ZNF385D: variants seen among roughly 807,000 people sequenced by gnomAD.
ZNF385D encodes the protein zinc finger protein 385D, also known as zinc finger protein 659.
In ZNF385D, 15 loss-of-function variants were observed where a neutral mutation model predicts 35.8. The observed-to-expected ratio is 0.42, with a 90% CI of 0.28 to 0.64. The LOEUF (loss-of-function observed/expected upper bound fraction) is 0.64, where lower values mean the gene tolerates loss of function less well. Among genes scored for constraint, ZNF385D ranks in the 30% least tolerant of loss-of-function variants. The pLI, the probability that ZNF385D is intolerant of heterozygous loss-of-function variation, is 0.23. For missense variants in ZNF385D, 474 were observed against 494.6 expected, an observed-to-expected ratio of 0.96 and a Z score of 0.39; for synonymous variants, 212 against 186.8, an observed-to-expected ratio of 1.13 and a Z score of -1.10.
At chr3:21,947,008 A>T (rs1211514847) in intron 3 of ZNF385D, among the ~76,000 whole-genome samples, 1 of 151,082 alleles carries the variant, frequency 6.6e-6, no homozygotes, top group Admixed American at 6.7e-5. Context: ...CTAAAAAAAA[A>T]CATCAGTTTG....
intron 3 of ZNF385D, among the ~76,000 whole-genome samples, chr3:21,954,788 C>T (rs938646483): frequency 6.6e-6 from 1 of 152,082 alleles, no homozygotes; most frequent in Non-Finnish European, 1.5e-5. Context: ...TAGACATCCC[C>T]ACCCTCACTT....
At chr3:21,936,608 C>T (rs562958637) in intron 3 of ZNF385D, among the ~76,000 whole-genome samples, 2 of 151,828 alleles carry the variant, frequency 1.3e-5, no homozygotes, top group Non-Finnish European at 2.9e-5. Flanking sequence ...TTAAATGTTT[C>T]CTCTACTAGA....
chr3:22,342,178 G>C (rs909649641), intron 2 of ZNF385D, among the ~76,000 whole-genome samples: 7 of 149,084 alleles, frequency 4.7e-5, no homozygotes, highest in African/African-American at 1.7e-4. Flanking sequence ...TCGGGAGACT[G>C]AGGCAGGAGA....
At chr3:22,205,034 A>G (rs1007135637) in intron 2 of ZNF385D, among the ~76,000 whole-genome samples, 1 of 151,700 alleles carries the variant, frequency 6.6e-6, no homozygotes, top group South Asian at 2.1e-4. Flanking sequence ...ATAGAACACC[A>G]AGCAGATTTA....
intron 3 of ZNF385D, among the ~76,000 whole-genome samples, chr3:21,546,460 T>C (rs1324415035): frequency 6.6e-6 from 1 of 152,106 alleles, no homozygotes; most frequent in Non-Finnish European, 1.5e-5. Flanking sequence ...TAGATGGGTA[T>C]GTCACAAGAC....
At chr3:21,848,252 A>T (rs961669762) in intron 3 of ZNF385D, among the ~76,000 whole-genome samples, 7 of 151,986 alleles carry the variant, frequency 4.6e-5, no homozygotes, top group African/African-American at 1.7e-4. Flanking sequence ...TTGTTTGTCC[A>T]TGAAAACTTA....
chr3:21,837,537 C>A (rs1695404780), intron 3 of ZNF385D, among the ~76,000 whole-genome samples: 1 of 151,992 alleles, frequency 6.6e-6, no homozygotes, highest in Admixed American at 6.6e-5. Context: ...ATGTTTTCTG[C>A]AACTTATTGT....
In ZNF385D at chr3:22,096,383, T is replaced by C. The variant is rs115810993; in HGVS notation, c.325+72434A>G. Among the ~76,000 whole-genome samples the C allele has an allele frequency of 6.4e-3, 973 of 152,160 alleles. 13 individuals are homozygous for C. Among genetic ancestry groups the C allele is most frequent in the African/African-American group, 0.022 (916 of 41,546 alleles). ...TTAAAAGAAAAAAACTGTTTATGGC[T>C]TATTGTTTAAATAGGGCTTCTTGAA... On this transcript the variant is annotated intron_variant, in intron 3 of 5. Coordinates refer to the ZNF385D transcript ENST00000494108.
intron 2 of ZNF385D, among the ~76,000 whole-genome samples, chr3:22,264,214 G>A (rs1700780413): frequency 6.6e-6 from 1 of 151,990 alleles, no homozygotes; most frequent in Non-Finnish European, 1.5e-5. Flanking sequence ...GTGACAAAGT[G>A]AGGCTGGTAA....
intron 2 of ZNF385D, among the ~76,000 whole-genome samples, chr3:22,204,915 T>C (rs1466274390): frequency 7.6e-6 from 1 of 130,724 alleles, no homozygotes; most frequent in Middle Eastern, 5.8e-3. Flanking sequence ...AAAGAGAGGA[T>C]AGAGAGAGAG....
In ZNF385D at chr3:21,431,346, G is replaced by A. The variant is rs1701284078; in HGVS notation, c.673+5624C>T. Among the ~76,000 whole-genome samples, 2 of 152,048 alleles carry A rather than the reference G, an allele frequency of 1.3e-5. 1 individual carries two copies. Among genetic ancestry groups the A allele is most frequent in the South Asian group, 4.1e-4 (2 of 4,824 alleles). On this transcript the variant is annotated intron_variant, in intron 5 of 7. Coordinates refer to ENST00000281523, the MANE Select transcript of ZNF385D (RefSeq NM_024697.3). ...AGTGATGTAATAATTCTTATTATTAGGTAATATACCTGAAATCATTTACTA... is the reference window on the plus strand; with the variant it reads ...AGTGATGTAATAATTCTTATTATTAAGTAATATACCTGAAATCATTTACTA...
chr3:22,246,185 T>A (rs1203663865), intron 2 of ZNF385D, among the ~76,000 whole-genome samples: 1 of 152,300 alleles, frequency 6.6e-6, no homozygotes, highest in East Asian at 1.9e-4. Flanking sequence ...AGAAACATAC[T>A]TTTCTTTTCA....
chr3:21,621,723 G>A (rs1426152451), intron 2 of ZNF385D, among the ~76,000 whole-genome samples: 1 of 151,978 alleles, frequency 6.6e-6, no homozygotes, highest in Non-Finnish European at 1.5e-5. Context: ...TAGCTACTAA[G>A]GAAAAATGAA....
chr3:21,547,272 G>A (rs1279367988), intron 3 of ZNF385D, among the ~76,000 whole-genome samples: 1 of 152,138 alleles, frequency 6.6e-6, no homozygotes, highest in East Asian at 1.9e-4. Context: ...CAACCTGCCA[G>A]CAAAAGCATA....
intron 4 of ZNF385D, among the ~76,000 whole-genome samples, chr3:21,509,233 A>G (rs1707018947): frequency 6.6e-6 from 1 of 152,200 alleles, no homozygotes; most frequent in Non-Finnish European, 1.5e-5. Context: ...AATTTGGAGC[A>G]AGGAAAAACG....
chr3:22,277,269 T>C (rs1701477806), intron 2 of ZNF385D, among the ~76,000 whole-genome samples: 1 of 152,082 alleles, frequency 6.6e-6, no homozygotes, highest in South Asian at 2.1e-4. Context: ...GAAATGAATA[T>C]TCAACAAATG....
In ZNF385D at chr3:21,750,936, C is replaced by A. The variant is rs1184106197; in HGVS notation, c.-20G>T. On this transcript the variant is annotated 5_prime_UTR_variant, in exon 1 of 8. It introduces an in-frame stop codon into an upstream open reading frame of the 5' UTR. Coordinates refer to ENST00000281523, the MANE Select transcript of ZNF385D (RefSeq NM_024697.3). ...TCTCATTAATCAGACAGCTGGAATC[C>A]CACCGCGGTGTCTTCAGCATCAGCT... The A allele has an allele frequency of 3.1e-6, 5 of 1,613,988 alleles. No homozygotes were observed. The highest frequency in any genetic ancestry group is 4.2e-6 in the Non-Finnish European group (5 of 1,180,016).
intron 2 of ZNF385D, among the ~76,000 whole-genome samples, chr3:21,647,513 C>G (rs1485660036): frequency 6.6e-6 from 1 of 151,984 alleles, no homozygotes; most frequent in Non-Finnish European, 1.5e-5. Context: ...ACGACTAACC[C>G]ATGCTTATTT....
intron 2 of ZNF385D, among the ~76,000 whole-genome samples, chr3:22,262,321 G>A (rs1318617219): frequency 1.3e-5 from 2 of 151,854 alleles, no homozygotes; most frequent in Non-Finnish European, 2.9e-5. Flanking sequence ...AGTGACACAT[G>A]GAGTTAACAC....
Sources: gnomAD v4.1 joint callset for allele counts (sites outside exome capture counted in the v4.1 genomes callset) on GRCh38, gnomAD v4.1.1 for gene constraint, MANE v1.5 for transcripts, NCBI Gene and HGNC (gene_info 2026-07-23, HGNC 2026-07-21) for gene names.